Variants in PPM1B observed in about 807,000 individuals in gnomAD.
PPM1B encodes protein phosphatase, Mg2+/Mn2+ dependent 1B, also known as protein phosphatase 1B.
A neutral mutation model predicts 43.0 loss-of-function variants in PPM1B; 22 were observed. That is an observed-to-expected ratio of 0.51 (90% CI 0.37 to 0.73). The LOEUF (loss-of-function observed/expected upper bound fraction) is 0.73. Ranked by LOEUF, PPM1B falls within the 30% of genes least tolerant of loss-of-function variation. PPM1B has a pLI of 0.00. For missense variants in PPM1B, 632 were observed against 584.2 expected, an observed-to-expected ratio of 1.08 and a Z score of -0.84; for synonymous variants, 217 against 197.9, an observed-to-expected ratio of 1.10 and a Z score of -0.81.
At chr2:44,188,265 G>A (rs1668222077) in intron 1 of PPM1B, among the ~76,000 whole-genome samples, 1 of 152,058 alleles carries the variant, frequency 6.6e-6, no homozygotes, top group Non-Finnish European at 1.5e-5. Flanking sequence ...GCCAGATGAA[G>A]TATCTTTTTG....
chr2:44,185,930 AGGG>A (rs1293729062), intron 1 of PPM1B, among the ~76,000 whole-genome samples: 2 of 152,184 alleles, frequency 1.3e-5, no homozygotes. Flanking sequence ...GATTTGGAAG[AGGG>A]GAGGACTTAA....
intron 1 of PPM1B, among the ~76,000 whole-genome samples, chr2:44,185,684 T>C (rs1377253050): frequency 6.6e-6 from 1 of 152,200 alleles, no homozygotes; most frequent in African/African-American, 2.4e-5. Context: ...ATAATCTTGC[T>C]CTAATGTAGA....
chr2:44,244,820 G>GATAT (rs542334922), downstream of PPM1B, among the ~76,000 whole-genome samples: 3,598 of 129,794 alleles, frequency 0.028, 177 homozygotes, highest in African/African-American at 0.097. Context: ...AATTACTTGA[G>GATAT]ATATATATAT....
chr2:44,230,256 T>C lies in PPM1B; in HGVS notation c.1135-157T>C, dbSNP rs781607860. On this transcript the variant is annotated intron_variant, in intron 5 of 5. Coordinates refer to ENST00000282412, the MANE Select transcript of PPM1B (RefSeq NM_002706.6). ...GATTATTATTGGAAGTTTTTATTAATTGATACAGGTAAGAATTGATATTTA... is the reference window on the plus strand; with the variant it reads ...GATTATTATTGGAAGTTTTTATTAACTGATACAGGTAAGAATTGATATTTA... 17 of 1,440,752 alleles carry C rather than the reference T, an allele frequency of 1.2e-5. No homozygotes were observed. In the African/African-American group the frequency reaches 1.9e-4, roughly 16 times the overall value. The allele number at this position is 1,440,752 out of a possible 1,614,324, so 89.2% of individuals were successfully genotyped here.
chr2:44,215,708 A>G (rs1669689039), intron 3 of PPM1B, among the ~76,000 whole-genome samples: 1 of 152,228 alleles, frequency 6.6e-6, no homozygotes, highest in African/African-American at 2.4e-5. Flanking sequence ...TGCTTTCTAC[A>G]TACAGGTTTA....
At chr2:44,192,190 G>GTTATGTTATGTTATGGTATT (rs1553329837) in intron 1 of PPM1B, among the ~76,000 whole-genome samples, 2 of 143,542 alleles carry the variant, frequency 1.4e-5, no homozygotes, top group African/African-American at 5.3e-5. Flanking sequence ...GTTATGTTAT[G>GTTATGTTATGTTATGGTATT]GTATTGTATT....
intron 5 of PPM1B, among the ~76,000 whole-genome samples, chr2:44,223,164 T>C (rs1670051516): frequency 1.3e-5 from 2 of 152,164 alleles, no homozygotes; most frequent in South Asian, 4.1e-4. Flanking sequence ...GTAAATATTT[T>C]ATAAAGTTGT....
intron 5 of PPM1B, among the ~76,000 whole-genome samples, chr2:44,224,282 T>C (rs1029159393): frequency 1.3e-5 from 2 of 151,916 alleles, no homozygotes; most frequent in African/African-American, 2.4e-5. Context: ...GGTGATACCC[T>C]GCCTCTACTA....
chr2:44,197,860 G>T (rs557507397), intron 1 of PPM1B, among the ~76,000 whole-genome samples: 7 of 152,236 alleles, frequency 4.6e-5, no homozygotes, highest in African/African-American at 1.7e-4. Flanking sequence ...TTAGTGTAGT[G>T]CCTGACATAT....
intron 1 of PPM1B, among the ~76,000 whole-genome samples, chr2:44,187,257 C>T (rs1668169499): frequency 6.6e-6 from 1 of 152,092 alleles, no homozygotes; most frequent in Non-Finnish European, 1.5e-5. Flanking sequence ...TTTTTTAAGG[C>T]TGAAGAATAA....
chr2:44,215,770 T>C (rs1202431972), intron 3 of PPM1B, among the ~76,000 whole-genome samples: 1 of 152,216 alleles, frequency 6.6e-6, no homozygotes, highest in Non-Finnish European at 1.5e-5. Context: ...AAAAGAAATC[T>C]CATAGAATTT....
At chr2:44,182,372 G>A (rs1667916004) in intron 1 of PPM1B, among the ~76,000 whole-genome samples, 1 of 152,080 alleles carries the variant, frequency 6.6e-6, no homozygotes, top group Non-Finnish European at 1.5e-5. Context: ...TGATTCTCCT[G>A]CCTCAGCCTC....
At chr2:44,217,782 G>T (rs534296233) in intron 3 of PPM1B, 185 bp from the exon 4 acceptor site, 39 of 401,290 alleles carry the variant, frequency 9.7e-5, no homozygotes, top group African/African-American at 7.5e-4. Flanking sequence ...TTTTCCCCCT[G>T]CATAGCAATG....
chr2:44,179,916 G>A (rs1363581962), intron 1 of PPM1B, among the ~76,000 whole-genome samples: 1 of 151,518 alleles, frequency 6.6e-6, no homozygotes, highest in Non-Finnish European at 1.5e-5. Context: ...GGCTGAGGCA[G>A]GAGAATCGCT....
chr2:44,194,292 G>A (rs996957235), intron 1 of PPM1B, among the ~76,000 whole-genome samples: 5 of 152,282 alleles, frequency 3.3e-5, no homozygotes, highest in Admixed American at 2.0e-4. Flanking sequence ...TGGGATGATT[G>A]TGGAGACCAA....
At chr2:44,198,403 C>T (rs1187693637) in intron 1 of PPM1B, among the ~76,000 whole-genome samples, 2 of 152,224 alleles carry the variant, frequency 1.3e-5, no homozygotes, top group East Asian at 1.9e-4. Flanking sequence ...TCAAGTGATC[C>T]GCCCGCCTCA....
chr2:44,230,421 T>C lies in PPM1B; in HGVS notation c.1143T>C (p.Asp381=), dbSNP rs753877229. 13 of 1,613,508 alleles carry C rather than the reference T, an allele frequency of 8.1e-6. No individual in the cohort carries two copies. The highest frequency in any genetic ancestry group is 5.0e-5 in the Admixed American group (3 of 59,952). Residue 381 remains aspartate, a synonymous_variant, in exon 6 of 6, where the codon GAT becomes GAC. Transcript: ENST00000282412. ...TTGAATCTTAAAAAAAGGCCTCCGA[T>C]GAAGCAGAGGAAAGTGGATCACAGG... is the stretch of plus-strand genomic sequence containing the variant. ...NPHRESDGAS[D]EAEESGSQGK...
intron 3 of PPM1B, among the ~76,000 whole-genome samples, chr2:44,214,896 A>G (rs1012610867): frequency 2.0e-5 from 3 of 152,224 alleles, no homozygotes; most frequent in African/African-American, 4.8e-5. Flanking sequence ...AGCACCTATT[A>G]TGGTGCCTAG....
chr2:44,232,227 G>T (rs1670488602), downstream of PPM1B: 7 of 1,528,228 alleles, frequency 4.6e-6, no homozygotes, highest in East Asian at 1.6e-4. Context: ...AAGGTAATTT[G>T]TTCATCAATT....
Sources: gnomAD v4.1 joint callset for allele counts (sites outside exome capture counted in the v4.1 genomes callset) on GRCh38, gnomAD v4.1.1 for gene constraint, MANE v1.5 for transcripts, NCBI Gene and HGNC (gene_info 2026-07-23, HGNC 2026-07-21) for gene names.